ST8SIA5: variants seen among roughly 807,000 people sequenced by gnomAD.
ST8SIA5 encodes alpha-2,8-sialyltransferase 8E.
In ST8SIA5, 24 loss-of-function variants were observed where a neutral mutation model predicts 40.2. That is an observed-to-expected ratio of 0.60 (90% confidence interval 0.43 to 0.84). ST8SIA5 has a LOEUF of 0.84. Ranked by LOEUF, ST8SIA5 falls within the 40% of genes least tolerant of loss-of-function variation. ST8SIA5 has a pLI of 0.00. For synonymous variants in ST8SIA5, 198 were observed against 201.8 expected (o/e 0.98, Z 0.16); for missense variants, 465 against 498.5 (o/e 0.93, Z 0.64).
chr18:46,696,061 TG>T (rs1485706135), intron 2 of ST8SIA5, among the ~76,000 whole-genome samples: 1 of 152,216 alleles, frequency 6.6e-6, no homozygotes, highest in Non-Finnish European at 1.5e-5. Flanking sequence ...AAGGCTTTCC[TG>T]AGGAGGAGAA....
chr18:46,674,868 T>G lies in ST8SIA5; in HGVS notation c.*5174A>C, dbSNP rs1299813323. On this transcript the variant is annotated 3_prime_UTR_variant, in exon 7 of 7. Transcript: ENST00000315087. Reference sequence around the variant, plus strand: ...GGAGTGTGAGGGCCATTCCAGGTGTTTGAACAGAGTGTGCAAAGGTGCCTG... The same window carrying G: ...GGAGTGTGAGGGCCATTCCAGGTGTGTGAACAGAGTGTGCAAAGGTGCCTG... The G allele has an allele frequency of 6.6e-6, 1 of 152,094 alleles. No homozygotes were observed. Among genetic ancestry groups the G allele is most frequent in the Admixed American group, 6.6e-5 (1 of 15,258 alleles). The allele number at this position is 152,094 out of a possible 1,614,324, so 9.4% of individuals were successfully genotyped here.
intron 1 of ST8SIA5, among the ~76,000 whole-genome samples, chr18:46,713,365 G>C (rs1041081369): frequency 1.3e-5 from 2 of 152,300 alleles, no homozygotes; most frequent in African/African-American, 4.8e-5. Flanking sequence ...AGATGAACAG[G>C]TTTGGGGTGT....
intron 1 of ST8SIA5, among the ~76,000 whole-genome samples, chr18:46,744,259 T>C (rs1262195371): frequency 3.3e-5 from 5 of 152,142 alleles, no homozygotes; most frequent in African/African-American, 9.7e-5. Flanking sequence ...AATTAAAAGA[T>C]ATAGACTGGC....
chr18:46,688,976 G>T lies in ST8SIA5; in HGVS notation c.312-57C>A, dbSNP rs1478109469. ...TGATGCAGGAAAGATGTGATGGAGG[G>T]CAGAGCACAACCTCACGGAGAACAG... On this transcript the variant is annotated intron_variant, in intron 3 of 6. Coordinates refer to ENST00000315087, the MANE Select transcript of ST8SIA5 (RefSeq NM_013305.6). 4 of 1,569,210 alleles carry T rather than the reference G, an allele frequency of 2.5e-6. No homozygotes were observed. In the African/African-American group the frequency reaches 4.1e-5, roughly 16 times the overall value.
At chr18:46,746,885 T>C (rs2040146008) in intron 1 of ST8SIA5, among the ~76,000 whole-genome samples, 1 of 151,978 alleles carries the variant, frequency 6.6e-6, no homozygotes, top group African/African-American at 2.4e-5. Context: ...TAAACCAATG[T>C]AACAGAACAG....
chr18:46,717,389 G>A (rs1197746113), intron 1 of ST8SIA5, among the ~76,000 whole-genome samples: 5 of 152,100 alleles, frequency 3.3e-5, no homozygotes, highest in African/African-American at 1.2e-4. Context: ...AGGCTGGAGT[G>A]CAATGGCGTG....
chr18:46,693,669 T>G (rs2039528982), intron 2 of ST8SIA5, among the ~76,000 whole-genome samples: 1 of 152,218 alleles, frequency 6.6e-6, no homozygotes, highest in African/African-American at 2.4e-5. Flanking sequence ...CTTAGCAAAA[T>G]ATAGATACTT....
chr18:46,747,845 G>T (rs1478454584), intron 1 of ST8SIA5, among the ~76,000 whole-genome samples: 1 of 152,196 alleles, frequency 6.6e-6, no homozygotes, highest in Non-Finnish European at 1.5e-5. Context: ...TGATAGACTG[G>T]ATTAAGAAAT....
At chr18:46,702,945 G>T (rs1417904441) in intron 2 of ST8SIA5, among the ~76,000 whole-genome samples, 1 of 152,222 alleles carries the variant, frequency 6.6e-6, no homozygotes, top group Non-Finnish European at 1.5e-5. Flanking sequence ...CCAGCTGGAT[G>T]CTGGTCTCAC....
intron 1 of ST8SIA5, among the ~76,000 whole-genome samples, chr18:46,705,489 C>T (rs1278627116): frequency 2.6e-5 from 4 of 152,374 alleles, no homozygotes; most frequent in African/African-American, 7.2e-5. Flanking sequence ...CCTGAACAGG[C>T]TCTAGGAATT....
chr18:46,754,521 C>A (rs2040223259), intron 1 of ST8SIA5, among the ~76,000 whole-genome samples: 1 of 152,172 alleles, frequency 6.6e-6, no homozygotes, highest in Non-Finnish European at 1.5e-5. Flanking sequence ...TATCTACAGG[C>A]ACGCTTCCAG....
chr18:46,732,739 A>G lies in ST8SIA5; in HGVS notation c.131+23639T>C, dbSNP rs145191168. Among the ~76,000 whole-genome samples, 4 of 152,336 alleles carry G rather than the reference A, an allele frequency of 2.6e-5. No homozygotes were observed. The East Asian group carries it at 5.8e-4, about 22-fold the overall frequency. On this transcript the variant is annotated intron_variant, in intron 1 of 6. Coordinates refer to ENST00000315087, the MANE Select transcript of ST8SIA5 (RefSeq NM_013305.6). ...TATTCATTTGTATTTTCCCTCCTCC[A>G]TTCCAGAAAGGTAGCTCGGTTTTCT...
Position 46,679,789 on chromosome 18 carries a change from T to C in ST8SIA5, c.*253A>G. 1 of 529,432 alleles carries C rather than the reference T, an allele frequency of 1.9e-6. No individual in the cohort carries two copies. Among genetic ancestry groups the C allele is most frequent in the Non-Finnish European group, 3.4e-6 (1 of 296,366 alleles). 32.8% of individuals were successfully genotyped at this position (529,432 alleles called of 1,614,324 possible). ...CTTGGGGTGTGGCCCAGCAGCATGC[T>C]AGCCAGGGCAGGTGGACGCACTGGG... On this transcript the variant is annotated 3_prime_UTR_variant, in exon 7 of 7. Coordinates refer to ENST00000315087, the MANE Select transcript of ST8SIA5 (RefSeq NM_013305.6).
chr18:46,712,107 A>T (rs2039738582), intron 1 of ST8SIA5, among the ~76,000 whole-genome samples: 1 of 152,136 alleles, frequency 6.6e-6, no homozygotes, highest in Non-Finnish European at 1.5e-5. Flanking sequence ...GCAGGGCCCC[A>T]GATCCAGTGT....
intron 1 of ST8SIA5, among the ~76,000 whole-genome samples, chr18:46,709,890 T>C (rs1467135224): frequency 6.6e-6 from 1 of 152,226 alleles, no homozygotes. Context: ...AATTCTTTTT[T>C]AAGTCCCAGA....
chr18:46,692,369 G>A (rs1795131362), intron 2 of ST8SIA5, 114 bp from the exon 3 acceptor site: 1 of 884,310 alleles, frequency 1.1e-6, no homozygotes. Flanking sequence ...CCTGGGGCTG[G>A]CCCTTGGCAT....
rs1042680009 is a variant in ST8SIA5 at position 46,675,374 on chromosome 18, G to A, written c.*4668C>T. On this transcript the variant is annotated 3_prime_UTR_variant, in exon 7 of 7. Coordinates refer to ENST00000315087, the MANE Select transcript of ST8SIA5 (RefSeq NM_013305.6). ...AGTCCAGAGCCTCCAGGGGCTTCTGGAGCTCCCTCAATTTCACACAGCTAC... is the reference window on the plus strand; with the variant it reads ...AGTCCAGAGCCTCCAGGGGCTTCTGAAGCTCCCTCAATTTCACACAGCTAC... 6.6e-6 allele frequency: 1 copy of A among 152,140 alleles called. No homozygotes were observed. Among genetic ancestry groups the A allele is most frequent in the Admixed American group, 6.6e-5 (1 of 15,266 alleles). 9.4% of individuals were successfully genotyped at this position (152,140 alleles called of 1,614,324 possible). A position where few individuals can be genotyped will look rare whatever the true frequency, so the allele number is the denominator to read the frequency against.
chr18:46,708,365 G>T (rs775114562), intron 1 of ST8SIA5, among the ~76,000 whole-genome samples: 4 of 152,148 alleles, frequency 2.6e-5, no homozygotes, highest in African/African-American at 7.2e-5. Flanking sequence ...GTCCTGCTTG[G>T]ACATGGACCT....
chr18:46,686,109 G>A (rs531292891), intron 5 of ST8SIA5, 65 bp downstream of exon 5: 36 of 1,498,992 alleles, frequency 2.4e-5, no homozygotes, highest in South Asian at 2.4e-4. Context: ...TTAGGGAACC[G>A]GGGGAAGAAT....
Sources: allele counts gnomAD v4.1 joint callset (sites outside exome capture counted in the v4.1 genomes callset), GRCh38; gene constraint gnomAD v4.1.1; transcripts MANE v1.5; gene names NCBI Gene and HGNC (gene_info 2026-07-23, HGNC 2026-07-21).